The following SERINC5 variants were observed in gnomAD, a reference collection of about 807,000 sequenced individuals.
The protein encoded by SERINC5 is chromosome 5 open reading frame 12.
A neutral mutation model predicts 63.1 loss-of-function variants in SERINC5; 41 were observed. The ratio of observed to expected loss-of-function variants is 0.65; its 90% CI spans 0.51 to 0.84. The LOEUF (loss-of-function observed/expected upper bound fraction) is 0.84, where lower values mean the gene tolerates loss of function less well. SERINC5 is among the 40% of genes least tolerant of loss of function. SERINC5 has a pLI of 0.00. For synonymous variants in SERINC5, 222 were observed against 215.2 expected (o/e 1.03, Z -0.28); for missense variants, 523 against 573.0 (o/e 0.91, Z 0.89).
intron 9 of SERINC5, among the ~76,000 whole-genome samples, chr5:80,149,106 T>C (rs532297527): frequency 2.0e-5 from 3 of 152,310 alleles, no homozygotes; most frequent in South Asian, 2.1e-4. Context: ...TGCTCTCCAG[T>C]TCAGAAGGAA....
At chr5:80,190,161 G>C (rs943724969) in intron 2 of SERINC5, among the ~76,000 whole-genome samples, 1 of 137,008 alleles carries the variant, frequency 7.3e-6, no homozygotes, top group African/African-American at 2.8e-5. Context: ...ACCCAGGCTA[G>C]AGTGCAATGG....
At chr5:80,168,036 C>T (rs1311450134) in intron 6 of SERINC5, among the ~76,000 whole-genome samples, 1 of 152,168 alleles carries the variant, frequency 6.6e-6, no homozygotes, top group Non-Finnish European at 1.5e-5. Flanking sequence ...AACATTATCC[C>T]TATTTCAAAA....
At chr5:80,227,120 T>G (rs1751204926) in intron 1 of SERINC5, among the ~76,000 whole-genome samples, 2 of 152,074 alleles carry the variant, frequency 1.3e-5, no homozygotes, top group Admixed American at 1.3e-4. Context: ...GGTCTTGAAC[T>G]CCTGACCTAA....
At chr5:80,242,838 G>T (rs951692813) in intron 1 of SERINC5, among the ~76,000 whole-genome samples, 1 of 152,116 alleles carries the variant, frequency 6.6e-6, no homozygotes, top group Non-Finnish European at 1.5e-5. Context: ...CATGAGAATT[G>T]CTTGAACTTG....
chr5:80,199,707 G>A (rs1380984656), intron 2 of SERINC5, among the ~76,000 whole-genome samples: 1 of 152,100 alleles, frequency 6.6e-6, no homozygotes, highest in Non-Finnish European at 1.5e-5. Flanking sequence ...CACCACTGTG[G>A]GATACTATCT....
At chr5:80,222,922 C>G (rs559149484) in intron 1 of SERINC5, among the ~76,000 whole-genome samples, 1 of 152,030 alleles carries the variant, frequency 6.6e-6, no homozygotes, top group Admixed American at 6.6e-5. Flanking sequence ...TACAGTGGTA[C>G]GGTCACAGCT....
chr5:80,169,052 A>G (rs1056358590), intron 6 of SERINC5, among the ~76,000 whole-genome samples: 4 of 152,220 alleles, frequency 2.6e-5, no homozygotes, highest in Non-Finnish European at 5.9e-5. Context: ...TTTCCCATTT[A>G]AAGGCTCTTT....
At chr5:80,171,682 AG>A (rs1383366978) in intron 5 of SERINC5, among the ~76,000 whole-genome samples, 1 of 152,192 alleles carries the variant, frequency 6.6e-6, no homozygotes, top group African/African-American at 2.4e-5. Flanking sequence ...CCTGGCCAAC[AG>A]AGCAAGACCC....
In SERINC5 at chr5:80,140,843, A is replaced by G; in HGVS notation, c.*2820T>C. ...TGCAGCTTTAAAAAAGTCCTCTTCA[A>G]CTGTCATCCCTAAATGTGTCTGACC... On this transcript the variant is annotated 3_prime_UTR_variant, in exon 12 of 12. Transcript: ENST00000507668. 1 of 985,400 alleles carries G rather than the reference A, an allele frequency of 1.0e-6. No homozygotes were observed. The highest frequency in any genetic ancestry group is 1.2e-6 in the Non-Finnish European group (1 of 829,924). 61.0% of individuals were successfully genotyped at this position (985,400 alleles called of 1,614,324 possible).
chr5:80,241,009 G>A (rs534872235), intron 1 of SERINC5, among the ~76,000 whole-genome samples: 2 of 152,104 alleles, frequency 1.3e-5, no homozygotes, highest in Non-Finnish European at 2.9e-5. Flanking sequence ...TTGTTTTTAA[G>A]TTAGTTTTCA....
chr5:80,146,586 G>A (rs1745840895), intron 10 of SERINC5, among the ~76,000 whole-genome samples: 1 of 152,134 alleles, frequency 6.6e-6, no homozygotes, highest in Non-Finnish European at 1.5e-5. Flanking sequence ...CCAAGTAGCT[G>A]GGATTACAGG....
intron 9 of SERINC5, among the ~76,000 whole-genome samples, chr5:80,148,514 A>G (rs1745972202): frequency 6.6e-6 from 1 of 152,002 alleles, no homozygotes; most frequent in South Asian, 2.1e-4. Context: ...ACTCAAAACA[A>G]TAAACTTAAT....
intron 2 of SERINC5, among the ~76,000 whole-genome samples, chr5:80,186,378 T>C (rs143173424): frequency 0.019 from 2,848 of 152,170 alleles, 95 homozygotes; most frequent in African/African-American, 0.065. Flanking sequence ...CCTCAGGTGA[T>C]CCACCCGCCT....
At chr5:80,113,178 C>T (rs1042578731) in intron 12 of SERINC5, among the ~76,000 whole-genome samples, 2 of 152,026 alleles carry the variant, frequency 1.3e-5, no homozygotes, top group African/African-American at 4.8e-5. Context: ...GATATTGGAA[C>T]AAAAGGTTAA....
chr5:80,132,823 G>A (rs1259743645), intron 11 of SERINC5, among the ~76,000 whole-genome samples: 1 of 152,018 alleles, frequency 6.6e-6, no homozygotes, highest in Non-Finnish European at 1.5e-5. Context: ...ATAAAAATTG[G>A]CACCAGAACA....
At position 80,214,594 on chromosome 5, in the gene SERINC5, C is replaced by T. The variant is rs138422628; in HGVS notation, c.28-11541G>A. On this transcript the variant is annotated intron_variant, in intron 1 of 11. Coordinates refer to ENST00000507668, the MANE Select transcript of SERINC5 (RefSeq NM_001174072.3). ...AACGAACAAAAAAACACCTCCTGTA[C>T]TATACACTTGAAAATAGTTGGGTCA... Among the ~76,000 whole-genome samples, 19 of 151,944 alleles carry T rather than the reference C, an allele frequency of 1.3e-4. No individual in the cohort carries two copies. The East Asian group carries it at 3.7e-3, about 29-fold the overall frequency.
chr5:80,178,719 GATATGTAT>G (rs1748219067), intron 2 of SERINC5, among the ~76,000 whole-genome samples: 1 of 151,244 alleles, frequency 6.6e-6, no homozygotes, highest in Non-Finnish European at 1.5e-5. Context: ...TATTTTTGTT[GATATGTAT>G]ACATATATAC....
intron 1 of SERINC5, among the ~76,000 whole-genome samples, chr5:80,206,984 A>ATC (rs1750200894): frequency 6.6e-6 from 1 of 150,956 alleles, no homozygotes; most frequent in African/African-American, 2.5e-5. Context: ...GTGGTCTTAG[A>ATC]TAACTTCTCA....
chr5:80,137,139 C>CAAAAAAAAAAAAAAAA (rs869035894), downstream of SERINC5, among the ~76,000 whole-genome samples: 13 of 67,734 alleles, frequency 1.9e-4, no homozygotes, highest in Admixed American at 5.4e-4. Flanking sequence ...GACCCTGTCT[C>CAAAAAAAAAAAAAAAA]AAAAAAAAAA....
Sources: allele counts gnomAD v4.1 joint callset (sites outside exome capture counted in the v4.1 genomes callset), GRCh38; gene constraint gnomAD v4.1.1; transcripts MANE v1.5; gene names NCBI Gene and HGNC (gene_info 2026-07-23, HGNC 2026-07-21).